OR7E24: variants seen among roughly 807,000 people sequenced by gnomAD.
OR7E24 encodes the protein olfactory receptor 7E24.
For synonymous variants in OR7E24, 130 were observed against 157.5 expected (o/e 0.83, Z 1.31); for missense variants, 385 against 410.3 (o/e 0.94, Z 0.53).
the OR7E24 span, chr19:9,214,238 A>G: frequency 1.9e-6 from 3 of 1,614,176 alleles, no homozygotes; most frequent in Middle Eastern, 1.6e-4. Context: ...CCGTGGCCAC[A>G]TACAAGACAA....
the OR7E24 span, among the ~76,000 whole-genome samples, chr19:9,239,506 G>A: frequency 3.3e-5 from 5 of 151,854 alleles, no homozygotes; most frequent in East Asian, 1.9e-4. Context: ...ATTCTAACAC[G>A]TACAAGGTGA....
upstream of OR7E24, among the ~76,000 whole-genome samples, chr19:9,247,160 G>A (rs2066132782): frequency 6.6e-6 from 1 of 152,156 alleles, no homozygotes; most frequent in African/African-American, 2.4e-5. Flanking sequence ...TTCCTCCTGA[G>A]TGGAGGAAGA....
the OR7E24 span, chr19:9,235,042 C>A: frequency 1.8e-6 from 1 of 558,040 alleles, no homozygotes; most frequent in South Asian, 2.5e-5. Context: ...CTGAGTGAAT[C>A]AGGATCTTTG....
the OR7E24 span, among the ~76,000 whole-genome samples, chr19:9,222,751 A>C: frequency 0.4 from 60,072 of 151,996 alleles, 14,610 homozygotes; most frequent in African/African-American, 0.69. Context: ...CAAACAGGGA[A>C]AACTTAACTT....
the OR7E24 span, chr19:9,214,813 A>G: frequency 6.2e-7 from 1 of 1,608,370 alleles, no homozygotes; most frequent in East Asian, 2.2e-5. Flanking sequence ...AATTTTGATA[A>G]TTCTGTAAGG....
At chr19:9,229,163 T>TA in the OR7E24 span, among the ~76,000 whole-genome samples, 2 of 152,268 alleles carry the variant, frequency 1.3e-5, no homozygotes, top group East Asian at 3.9e-4. Flanking sequence ...AAGGGATCCA[T>TA]AAAATCTCCA....
the OR7E24 span, among the ~76,000 whole-genome samples, chr19:9,219,852 A>G: frequency 6.6e-6 from 1 of 152,120 alleles, no homozygotes; most frequent in African/African-American, 2.4e-5. Context: ...CCCAAGAAGA[A>G]ATTCTTTCTT....
the OR7E24 span, among the ~76,000 whole-genome samples, chr19:9,228,513 T>C: frequency 5.3e-5 from 8 of 152,198 alleles, no homozygotes; most frequent in Admixed American, 5.2e-4. Flanking sequence ...TTGCCACCTA[T>C]ATTTCCTCTA....
chr19:9,239,706 T>C, the OR7E24 span, among the ~76,000 whole-genome samples: 1 of 144,562 alleles, frequency 6.9e-6, no homozygotes, highest in African/African-American at 2.7e-5. Flanking sequence ...TTTTTCTTTT[T>C]CTTTTTTTTT....
At chr19:9,240,347 T>C in the OR7E24 span, among the ~76,000 whole-genome samples, 2 of 152,226 alleles carry the variant, frequency 1.3e-5, no homozygotes, top group African/African-American at 4.8e-5. Flanking sequence ...CAGTGTAATT[T>C]CATGGAGGAT....
the OR7E24 span, among the ~76,000 whole-genome samples, chr19:9,216,360 C>T: frequency 2.0e-5 from 3 of 152,176 alleles, no homozygotes; most frequent in African/African-American, 7.2e-5. Context: ...GCCTCTGGTT[C>T]ACTGTGTAGG....
the OR7E24 span, among the ~76,000 whole-genome samples, chr19:9,240,768 TC>T: frequency 8.2e-3 from 1,245 of 152,322 alleles, 13 homozygotes; most frequent in African/African-American, 0.028. Context: ...TATGTTTTTT[TC>T]TAAGAGTTTT....
the OR7E24 span, chr19:9,212,946 T>C: frequency 1.3e-5 from 2 of 152,042 alleles, no homozygotes; most frequent in Non-Finnish European, 2.9e-5. Context: ...TTATGGAAAG[T>C]AGGATGGCAA....
chr19:9,236,157 G>C, the OR7E24 span: 5 of 758,060 alleles, frequency 6.6e-6, no homozygotes, highest in African/African-American at 8.8e-5. Flanking sequence ...CCTAGATCTT[G>C]CTCTCCCCTA....
the OR7E24 span, among the ~76,000 whole-genome samples, chr19:9,227,619 T>G: frequency 5.9e-5 from 9 of 152,216 alleles, no homozygotes; most frequent in Middle Eastern, 3.2e-3. Flanking sequence ...ACATTTAGGT[T>G]GGTTCTATAC....
upstream of OR7E24, among the ~76,000 whole-genome samples, chr19:9,247,094 A>C (rs915025942): frequency 6.6e-6 from 1 of 152,214 alleles, no homozygotes; most frequent in Non-Finnish European, 1.5e-5. Context: ...AGGAAAATAA[A>C]AAGTAGACAG....
the OR7E24 span, among the ~76,000 whole-genome samples, chr19:9,242,011 C>T: frequency 1.2e-4 from 19 of 152,148 alleles, no homozygotes; most frequent in Non-Finnish European, 1.6e-4. Context: ...AGAGTTCTCA[C>T]GTGTTGTTTG....
chr19:9,236,088 C>G, the OR7E24 span: 2 of 1,390,520 alleles, frequency 1.4e-6, no homozygotes, highest in Admixed American at 3.4e-5. Context: ...TCTTACGGTA[C>G]ACAACCTCAG....
the OR7E24 span, among the ~76,000 whole-genome samples, chr19:9,239,614 C>T: frequency 1.3e-5 from 2 of 151,690 alleles, no homozygotes; most frequent in Non-Finnish European, 2.9e-5. Context: ...CTAGTAATGT[C>T]TATTCAGATC....
Sources: allele counts gnomAD v4.1 joint callset (sites outside exome capture counted in the v4.1 genomes callset), GRCh38; gene constraint gnomAD v4.1.1; transcripts MANE v1.5; gene names NCBI Gene and HGNC (gene_info 2026-07-23, HGNC 2026-07-21).